Variants in CNTNAP4 observed in about 807,000 individuals in gnomAD.
CNTNAP4 encodes the protein contactin associated protein family member 4, also known as contactin-associated protein-like 4.
A neutral mutation model predicts 148.4 loss-of-function variants in CNTNAP4; 98 were observed. That is an observed-to-expected ratio of 0.66 (90% CI 0.56 to 0.78). The LOEUF (loss-of-function observed/expected upper bound fraction) is 0.78. CNTNAP4 is among the 30% of genes least tolerant of loss of function. The pLI is 0.00. For synonymous variants in CNTNAP4, 730 were observed against 565.1 expected (o/e 1.29, Z -4.14); for missense variants, 1,935 against 1,565.6 (o/e 1.24, Z -3.98).
At chr16:76,473,635 G>A (rs563246506) in intron 10 of CNTNAP4, among the ~76,000 whole-genome samples, 22 of 152,094 alleles carry the variant, frequency 1.4e-4, no homozygotes, top group South Asian at 6.2e-4. Context: ...TTAGCCAAGC[G>A]TGGTGGCAGG....
chr16:76,345,736 A>T (rs1019930566), intron 2 of CNTNAP4, among the ~76,000 whole-genome samples: 3 of 152,222 alleles, frequency 2.0e-5, no homozygotes, highest in Non-Finnish European at 4.4e-5. Context: ...ATATCCCTGG[A>T]TTGTAAAACT....
At chr16:76,306,394 C>T (rs1960483662) in intron 1 of CNTNAP4, among the ~76,000 whole-genome samples, 1 of 152,102 alleles carries the variant, frequency 6.6e-6, no homozygotes, top group Non-Finnish European at 1.5e-5. Context: ...GGCAAATATG[C>T]CCTTTCCCGA....
At chr16:76,558,144 A>C (rs1287567861) in intron 23 of CNTNAP4, 1 of 171,258 alleles carries the variant, frequency 5.8e-6, no homozygotes, top group Non-Finnish European at 1.2e-5. Context: ...ACTACTCCAT[A>C]ATTTCAAAAT....
chr16:76,489,119 C>G (rs755451255), intron 12 of CNTNAP4, among the ~76,000 whole-genome samples: 2 of 152,048 alleles, frequency 1.3e-5, no homozygotes, highest in Non-Finnish European at 2.9e-5. Context: ...ATATAGAGGG[C>G]TACAAAATTT....
chr16:76,467,098 C>G (rs1287939343), intron 9 of CNTNAP4, among the ~76,000 whole-genome samples: 1 of 152,078 alleles, frequency 6.6e-6, no homozygotes, highest in Non-Finnish European at 1.5e-5. Flanking sequence ...TTTTTCAAAT[C>G]TAGATCAAGT....
At chr16:76,378,579 C>G (rs1422929930) in intron 3 of CNTNAP4, among the ~76,000 whole-genome samples, 5 of 152,212 alleles carry the variant, frequency 3.3e-5, no homozygotes, top group Admixed American at 3.3e-4. Flanking sequence ...AATGGACAGA[C>G]AAGGGGACCT....
In CNTNAP4 at chr16:76,357,081, A is replaced by ACC. The variant is rs1555531662; in HGVS notation, c.390+1573_390+1574dup. ...AAAACACACACACACACACACACAC[A>ACC]CCCCAAACTCCAAACACTGGGTATT... On this transcript the variant is annotated intron_variant, in intron 3 of 23. Transcript: ENST00000611870. Among the ~76,000 whole-genome samples, 984 of 150,934 alleles carry ACC rather than the reference A, an allele frequency of 6.5e-3. 12 individuals are homozygous for ACC. The highest frequency in any genetic ancestry group is 0.023 in the African/African-American group (934 of 40,732).
intron 2 of CNTNAP4, among the ~76,000 whole-genome samples, chr16:76,341,676 T>C (rs978702390): frequency 2.0e-5 from 3 of 152,140 alleles, no homozygotes; most frequent in African/African-American, 7.2e-5. Context: ...GCATTCAGGA[T>C]TTGGGATATG....
At chr16:76,299,430 C>A (rs937307404) in intron 1 of CNTNAP4, among the ~76,000 whole-genome samples, 1 of 152,136 alleles carries the variant, frequency 6.6e-6, no homozygotes, top group African/African-American at 2.4e-5. Flanking sequence ...AAATGCAAAT[C>A]AAAACCACAA....
At chr16:76,316,631 C>T (rs1043519246) in intron 2 of CNTNAP4, 108 bp downstream of exon 2, 53 of 741,476 alleles carry the variant, frequency 7.1e-5, no homozygotes, top group Admixed American at 3.0e-4. Flanking sequence ...AAGTAAATTT[C>T]GAAATAAGCA....
rs554631386 is a variant in CNTNAP4 at position 76,541,382 on chromosome 16, A to C, written c.3442+592A>C. On this transcript the variant is annotated intron_variant, in intron 21 of 23. Transcript: ENST00000611870. ...AATGCACTGTTGCCATTTTAACATC[A>C]GAATATGTTTGCATTTTTTTACACT... is the stretch of plus-strand genomic sequence containing the variant. Among the ~76,000 whole-genome samples, 4 of 152,360 alleles carry C rather than the reference A, an allele frequency of 2.6e-5. No individual in the cohort carries two copies. In the South Asian group the frequency reaches 6.2e-4, roughly 24 times the overall value.
chr16:76,420,816 A>G (rs946298918), intron 3 of CNTNAP4, among the ~76,000 whole-genome samples: 7 of 151,954 alleles, frequency 4.6e-5, no homozygotes, highest in Admixed American at 4.6e-4. Context: ...TTGGACATTT[A>G]ATATTTTATT....
intron 12 of CNTNAP4, among the ~76,000 whole-genome samples, chr16:76,486,199 C>A (rs1292576611): frequency 6.6e-6 from 1 of 152,168 alleles, no homozygotes; most frequent in South Asian, 2.1e-4. Context: ...ATTCATTTCC[C>A]TGTCTCCTTA....
intron 2 of CNTNAP4, among the ~76,000 whole-genome samples, chr16:76,321,130 A>G (rs1403544527): frequency 6.6e-6 from 1 of 152,200 alleles, no homozygotes; most frequent in East Asian, 1.9e-4. Flanking sequence ...TTAAACCACA[A>G]CTACACCCTT....
At chr16:76,475,012 G>C (rs1440799824) in intron 10 of CNTNAP4, among the ~76,000 whole-genome samples, 1 of 152,088 alleles carries the variant, frequency 6.6e-6, no homozygotes, top group South Asian at 2.1e-4. Context: ...TCAGACTCCA[G>C]AGCCAGGCGT....
intron 15 of CNTNAP4, among the ~76,000 whole-genome samples, chr16:76,520,073 A>G (rs888905726): frequency 3.9e-5 from 6 of 152,170 alleles, no homozygotes; most frequent in African/African-American, 1.4e-4. Context: ...GGTAATTTAG[A>G]TAGAATTTTA....
In CNTNAP4 at chr16:76,303,025, T is replaced by G. The variant is rs563849873; in HGVS notation, c.86-13388T>G. Among the ~76,000 whole-genome samples the G allele has an allele frequency of 2.6e-4, 39 of 152,320 alleles. No homozygotes were observed. In the South Asian group the frequency reaches 8.1e-3, roughly 32 times the overall value. Reference sequence around the variant, plus strand: ...CTGTACTGAGCTAATGCACACCTACTCTGCCAGCTTTTAGCCAAGCTTCTA... The same window carrying G: ...CTGTACTGAGCTAATGCACACCTACGCTGCCAGCTTTTAGCCAAGCTTCTA... On this transcript the variant is annotated intron_variant, in intron 1 of 23. Coordinates refer to ENST00000611870, the MANE Select transcript of CNTNAP4 (RefSeq NM_033401.5).
intron 3 of CNTNAP4, among the ~76,000 whole-genome samples, chr16:76,402,889 C>T (rs757855113): frequency 3.3e-5 from 5 of 151,970 alleles, no homozygotes; most frequent in Non-Finnish European, 7.4e-5. Context: ...TTTTATTGTG[C>T]GTGGTCTGAG....
chr16:76,320,831 A>T (rs567566460), intron 2 of CNTNAP4, among the ~76,000 whole-genome samples: 250 of 152,312 alleles, frequency 1.6e-3, no homozygotes, highest in Non-Finnish European at 3.1e-3. Flanking sequence ...GAAATGAGTG[A>T]TTGCAAATTG....
Sources: allele counts gnomAD v4.1 joint callset (sites outside exome capture counted in the v4.1 genomes callset), GRCh38; gene constraint gnomAD v4.1.1; transcripts MANE v1.5; gene names NCBI Gene and HGNC (gene_info 2026-07-23, HGNC 2026-07-21).